SPG11: variants seen among roughly 807,000 people sequenced by gnomAD.
SPG11 encodes the protein SPG11 vesicle trafficking associated, spatacsin, also known as spatacsin.
Under a neutral mutation model 274.0 loss-of-function variants are expected in SPG11, and 222 were observed. The observed-to-expected ratio is 0.81, with a 90% CI of 0.73 to 0.91. SPG11 has a LOEUF of 0.91. Ranked by LOEUF, SPG11 falls within the 40% of genes least tolerant of loss-of-function variation. The pLI, the probability that SPG11 is intolerant of heterozygous loss-of-function variation, is 0.00. For missense variants in SPG11, 3,114 were observed against 2,872.7 expected, an observed-to-expected ratio of 1.08 and a Z score of -1.92; for synonymous variants, 1,144 against 1,039.7, an observed-to-expected ratio of 1.10 and a Z score of -1.93.
intron 15 of SPG11, among the ~76,000 whole-genome samples, chr15:44,617,465 T>G (rs561376004): frequency 6.6e-6 from 1 of 152,188 alleles, no homozygotes. Context: ...TCTAGCCCCA[T>G]TGTCAAAAAG....
chr15:44,628,867 A>C (rs752984179), intron 9 of SPG11, 23 bp from the exon 10 acceptor site: 1 of 1,604,850 alleles, frequency 6.2e-7, no homozygotes, highest in South Asian at 1.1e-5. Context: ...CCAATGTGCC[A>C]ATTTGTGTGT....
chr15:44,652,316 A>C (rs2084807184), intron 4 of SPG11, 50 bp from the exon 5 acceptor site: 2 of 1,599,276 alleles, frequency 1.3e-6, no homozygotes, highest in Non-Finnish European at 1.7e-6. Flanking sequence ...GATCAAACCC[A>C]AATTTGTGTT....
chr15:44,569,378 G>A lies in SPG11; in HGVS notation c.6585+20C>T, dbSNP rs200928757. The A allele has an allele frequency of 2.0e-6, 3 of 1,525,134 alleles. No homozygotes were observed. Among genetic ancestry groups the A allele is most frequent in the East Asian group, 2.3e-5 (1 of 43,730 alleles). 94.5% of individuals were successfully genotyped at this position (1,525,134 alleles called of 1,614,324 possible). A position where few individuals can be genotyped will look rare whatever the true frequency, so the allele number is the denominator to read the frequency against. ...TATCAGCAGTACACCCCATCCTGGA[G>A]CTCATTACTTTGCACCTACCGGATC... is the stretch of plus-strand genomic sequence containing the variant. On this transcript the variant is annotated intron_variant, in intron 35 of 39. Transcript: ENST00000261866.
Position 44,659,259 on chromosome 15 carries a change from T to C in SPG11, c.487A>G (p.Thr163Ala), listed in dbSNP as rs1326113262. ...CATTTGTTGATGAACAGTAATGATG[T>C]GTTATTGTGAAATGACAGGATTCTC... ...SLRILSFHNN[T>A]SLLFINKCVI... Residue 163 changes from threonine (T) to alanine (A), a missense_variant, in exon 3 of 40, where the codon ACA (threonine) becomes GCA (alanine). Transcript: ENST00000261866. 1.2e-6 allele frequency: 2 copies of C among 1,614,036 alleles called. No individual in the cohort carries two copies. The highest frequency in any genetic ancestry group is 4.5e-5 in the East Asian group (2 of 44,894).
intron 3 of SPG11, among the ~76,000 whole-genome samples, chr15:44,658,516 T>C (rs1045009038): frequency 3.3e-5 from 5 of 151,486 alleles, no homozygotes; most frequent in Admixed American, 1.3e-4. Context: ...TGGAGTGCAG[T>C]GGTACGATCT....
At chr15:44,636,951 A>C (rs1336007655) in intron 7 of SPG11, among the ~76,000 whole-genome samples, 19 of 128,984 alleles carry the variant, frequency 1.5e-4, no homozygotes, top group East Asian at 9.5e-4. Context: ...AAAAAAAAAA[A>C]AAAAAACAAA....
At position 44,573,755 on chromosome 15, in the gene SPG11, A is replaced by C; in HGVS notation, c.6007-10T>G. The C allele has an allele frequency of 6.2e-7, 1 of 1,614,194 alleles. No individual in the cohort carries two copies. Among genetic ancestry groups the C allele is most frequent in the South Asian group, 1.1e-5 (1 of 91,078 alleles). The stretch of plus-strand genomic sequence containing the variant: ...AGGAACAGCCCAACTCCTGAGAGGA[A>C]GACAAAGCCAGTCAAGGCCACTTTT... On this transcript the variant is annotated splice_polypyrimidine_tract_variant and intron_variant, in intron 31 of 39. Transcript: ENST00000261866.
At chr15:44,627,032 A>T (rs2083920824) in intron 10 of SPG11, among the ~76,000 whole-genome samples, 1 of 152,210 alleles carries the variant, frequency 6.6e-6, no homozygotes, top group Admixed American at 6.5e-5. Context: ...AGCAGATGAG[A>T]CTTGAAAGCA....
chr15:44,636,950 A>AAAACAAAAAAAC (rs1567180587), intron 7 of SPG11, among the ~76,000 whole-genome samples: 1 of 126,810 alleles, frequency 7.9e-6, no homozygotes, highest in African/African-American at 3.4e-5. Context: ...AAAAAAAAAA[A>AAAACAAAAAAAC]AAAAAAACAA....
chr15:44,646,069 T>C (rs957855716), intron 7 of SPG11, among the ~76,000 whole-genome samples: 1 of 152,234 alleles, frequency 6.6e-6, no homozygotes, highest in African/African-American at 2.4e-5. Flanking sequence ...GAAAGCAATT[T>C]GGCGATTTCT....
chr15:44,568,713 A>G (rs1199077423), intron 35 of SPG11, among the ~76,000 whole-genome samples: 1 of 152,042 alleles, frequency 6.6e-6, no homozygotes, highest in Non-Finnish European at 1.5e-5. Flanking sequence ...AATTTTTCAC[A>G]GTCTCCTGAA....
chr15:44,592,489 T>C, intron 26 of SPG11, 51 bp from the exon 27 acceptor site: 1 of 1,056,500 alleles, frequency 9.5e-7, no homozygotes, highest in Non-Finnish European at 1.5e-6. Flanking sequence ...TTAATATTTT[T>C]TCAATGAATA....
At chr15:44,645,726 T>G (rs2084588061) in intron 7 of SPG11, among the ~76,000 whole-genome samples, 1 of 151,822 alleles carries the variant, frequency 6.6e-6, no homozygotes, top group Non-Finnish European at 1.5e-5. Context: ...CTGACAAAGG[T>G]CTAATATCCA....
chr15:44,599,138 C>G (rs2083119563), intron 21 of SPG11, among the ~76,000 whole-genome samples: 3 of 152,126 alleles, frequency 2.0e-5, no homozygotes, highest in South Asian at 4.1e-4. Flanking sequence ...AGACTGCCAA[C>G]TTGTGATCTT....
At position 44,583,815 on chromosome 15, in the gene SPG11, GC is replaced by G; in HGVS notation, c.5864del (p.Ser1955ThrfsTer11). ...GGCCATCTGATCTCCTTCACTTACTGCTGTGGACTCTCCTTAGGGGAATGTC... is the reference window on the plus strand; with the variant it reads ...GGCCATCTGATCTCCTTCACTTACTGTGTGGACTCTCCTTAGGGGAATGTC... ...APDIPLRRVH[S>X]TSSLDSQKFV... On this transcript the variant is annotated frameshift_variant and splice_region_variant, in exon 30 of 40. Coordinates refer to ENST00000261866, the MANE Select transcript of SPG11 (RefSeq NM_025137.4). LOFTEE classifies it high-confidence loss of function. 1.9e-6 allele frequency: 3 copies of G among 1,614,096 alleles called. No homozygotes were observed. The highest frequency in any genetic ancestry group is 2.5e-6 in the Non-Finnish European group (3 of 1,180,026).
chr15:44,655,347 T>C (rs1005823703), intron 4 of SPG11, among the ~76,000 whole-genome samples: 3 of 152,202 alleles, frequency 2.0e-5, no homozygotes, highest in Non-Finnish European at 2.9e-5. Flanking sequence ...TACCATAACC[T>C]TGTATAACAC....
At position 44,585,733 on chromosome 15, in the gene SPG11, G is replaced by C; in HGVS notation, c.5024C>G (p.Ser1675Cys). The C allele has an allele frequency of 6.2e-7, 1 of 1,613,386 alleles. No homozygotes were observed. ...ATCTGTCTGCAGTCTTTCCAAAATA[G>C]ATCTACATTCATGCTGAAGATTCTC... ...SIENLQHECR[S>C]ILERLQTDGQ... is the part of the protein sequence containing the mutation. The change falls in exon 29 of 40, where the codon TCT (serine) becomes TGT (cysteine). Residue 1675 changes from serine (S) to cysteine (C), a missense_variant. Physicochemically the swap from Ser to Cys is moderately radical, Grantham distance 112. Coordinates refer to ENST00000261866, the MANE Select transcript of SPG11 (RefSeq NM_025137.4).
intron 10 of SPG11, among the ~76,000 whole-genome samples, chr15:44,627,511 A>C (rs2083936380): frequency 6.6e-6 from 1 of 152,214 alleles, no homozygotes; most frequent in Admixed American, 6.5e-5. Context: ...GCCTTGCAGA[A>C]CATTAAAGGA....
chr15:44,659,279 A>G lies in SPG11; in HGVS notation c.467T>C (p.Ile156Thr). The change falls in exon 3 of 40, where the codon ATC (isoleucine) becomes ACC (threonine). Residue 156 changes from isoleucine (I) to threonine (T), a missense_variant. Coordinates refer to ENST00000261866, the MANE Select transcript of SPG11 (RefSeq NM_025137.4). ...DISISLLSLR[I>T]LSFHNNTSLL... ...TGATGTGTTATTGTGAAATGACAGG[A>G]TTCTCAAAGACAATAAGGAAATACC... 1 of 1,613,866 alleles carries G rather than the reference A, an allele frequency of 6.2e-7. No individual in the cohort carries two copies. Among genetic ancestry groups the G allele is most frequent in the Non-Finnish European group, 8.5e-7 (1 of 1,179,704 alleles).
Sources: allele counts gnomAD v4.1 joint callset (sites outside exome capture counted in the v4.1 genomes callset), GRCh38; gene constraint gnomAD v4.1.1; transcripts MANE v1.5; gene names NCBI Gene and HGNC (gene_info 2026-07-23, HGNC 2026-07-21).